Variants in RAD51AP1 observed in about 807,000 individuals in gnomAD.
The protein encoded by RAD51AP1 is RAD51-associated protein 1.
Under a neutral mutation model 34.3 loss-of-function variants are expected in RAD51AP1, and 14 were observed. The observed-to-expected ratio is 0.41, with a 90% CI of 0.27 to 0.64. The LOEUF is 0.64. Ranked by LOEUF, RAD51AP1 falls within the 30% of genes least tolerant of loss-of-function variation. The pLI is 0.33. For missense variants in RAD51AP1, 348 were observed against 386.9 expected (o/e 0.90, Z 0.84); for synonymous variants, 114 against 129.8 (o/e 0.88, Z 0.83).
intron 6 of RAD51AP1, among the ~76,000 whole-genome samples, chr12:4,549,634 C>G (rs528475374): frequency 4.6e-5 from 7 of 152,164 alleles, no homozygotes; most frequent in African/African-American, 1.4e-4. Flanking sequence ...TTGGGAGGGC[C>G]TGGGAGACAG....
chr12:4,545,454 G>A, intron 3 of RAD51AP1: 1 of 283,146 alleles, frequency 3.5e-6, no homozygotes, highest in South Asian at 4.0e-5. Flanking sequence ...TCTTTTTGGG[G>A]TAATAAAGAT....
intron 3 of RAD51AP1, chr12:4,545,184 A>C: frequency 2.2e-6 from 1 of 451,720 alleles, no homozygotes; most frequent in South Asian, 1.6e-5. Flanking sequence ...ATGGATAAGT[A>C]AAATGTGGTT....
Position 4,548,672 on chromosome 12 carries a change from A to G in RAD51AP1, c.407-15A>G. The G allele has an allele frequency of 6.2e-7, 1 of 1,604,618 alleles. No homozygotes were observed. Among genetic ancestry groups the G allele is most frequent in the South Asian group, 1.1e-5 (1 of 90,392 alleles). ...CACAGAAAGTTTTCCATTGATTTTT[A>G]TGCCTCTCCTGAAGATTTGGATAAG... On this transcript the variant is annotated splice_polypyrimidine_tract_variant and intron_variant, in intron 5 of 8. Coordinates refer to ENST00000352618, the MANE Select transcript of RAD51AP1 (RefSeq NM_006479.5).
At chr12:4,544,468 C>T (rs372565773) in intron 3 of RAD51AP1, among the ~76,000 whole-genome samples, 3 of 152,026 alleles carry the variant, frequency 2.0e-5, no homozygotes, top group African/African-American at 2.4e-5. Flanking sequence ...AAGAGATGGG[C>T]GGAAGGGGAA....
At chr12:4,544,226 A>G (rs998213416) in intron 3 of RAD51AP1, among the ~76,000 whole-genome samples, 4 of 152,186 alleles carry the variant, frequency 2.6e-5, no homozygotes, top group African/African-American at 7.2e-5. Context: ...ATGACATTAG[A>G]TGACTTAAGA....
intron 6 of RAD51AP1, 145 bp downstream of exon 6, chr12:4,548,981 G>A: frequency 2.4e-6 from 2 of 829,472 alleles, no homozygotes; most frequent in Non-Finnish European, 3.5e-6. Flanking sequence ...TTCAGTGATA[G>A]CATTTGGGGA....
chr12:4,551,590 T>G (rs2137277050), intron 6 of RAD51AP1, among the ~76,000 whole-genome samples: 2 of 151,422 alleles, frequency 1.3e-5, no homozygotes, highest in Middle Eastern at 6.8e-3. Flanking sequence ...GACAATTGAC[T>G]CAACTGCTTC....
At chr12:4,558,744 A>C (rs7308641) in intron 8 of RAD51AP1, 113 bp from the exon 9 acceptor site, 280,497 of 1,244,504 alleles carry the variant, frequency 0.23, 35,032 homozygotes, top group African/African-American at 0.43. Flanking sequence ...CTTGATAGAC[A>C]CTGGAAAGCA....
intron 2 of RAD51AP1, among the ~76,000 whole-genome samples, chr12:4,543,001 T>TC: frequency 6.6e-6 from 1 of 152,200 alleles, no homozygotes; most frequent in South Asian, 2.1e-4. Flanking sequence ...TACTTTCTCT[T>TC]CCCCCCATAA....
intron 6 of RAD51AP1, chr12:4,550,627 TG>T (rs1426840096): frequency 6.6e-6 from 1 of 152,486 alleles, no homozygotes; most frequent in African/African-American, 2.4e-5. Context: ...ATAATGACAT[TG>T]TTTTTTGTTT....
At chr12:4,544,548 C>A (rs540263433) in intron 3 of RAD51AP1, among the ~76,000 whole-genome samples, 1 of 152,202 alleles carries the variant, frequency 6.6e-6, no homozygotes, top group East Asian at 1.9e-4. Context: ...AGTGAGTTAG[C>A]CTGGAGAAAC....
rs1289241303 is a variant in RAD51AP1 at position 4,553,038 on chromosome 12, C to T, written c.612C>T (p.Asp204=). The part of the protein sequence containing the change: ...DFCESEDNDE[D]FSMRKSKVKE... The stretch of plus-strand genomic sequence containing the variant: ...GTGAGAGTGAGGATAATGACGAAGA[C>T]TTCTCTATGAGAAAAAGTAAAGTTA... Residue 204 remains aspartate, a synonymous_variant, in exon 7 of 9, where the codon GAC becomes GAT. Transcript: ENST00000352618. 9 of 1,605,806 alleles carry T rather than the reference C, an allele frequency of 5.6e-6. No homozygotes were observed. The South Asian group carries it at 7.8e-5, about 14-fold the overall frequency.
chr12:4,558,517 AAAAAT>A (rs1944598471), intron 8 of RAD51AP1, among the ~76,000 whole-genome samples: 1 of 152,222 alleles, frequency 6.6e-6, no homozygotes, highest in Admixed American at 6.5e-5. Flanking sequence ...GCAGGACCTT[AAAAAT>A]GCATTTGCTT....
intron 3 of RAD51AP1, chr12:4,545,957 G>A (rs1175272007): frequency 8.6e-7 from 1 of 1,164,646 alleles, no homozygotes; most frequent in Non-Finnish European, 1.2e-6. Context: ...TGAGGTCAAG[G>A]AAGAGTTTTA....
chr12:4,539,889 T>C (rs1944446189), intron 1 of RAD51AP1, among the ~76,000 whole-genome samples: 1 of 152,052 alleles, frequency 6.6e-6, no homozygotes, highest in Non-Finnish European at 1.5e-5. Flanking sequence ...GGGTTTTAAG[T>C]AGGGGAGAGG....
In RAD51AP1 at chr12:4,553,134, A is replaced by G. The variant is rs151051336; in HGVS notation, c.708A>G (p.Lys236=). ...VEKKEKKSKS[K]CNALVTSVDS... is the part of the protein sequence containing the mutation. Reference sequence around the variant, plus strand: ...AGAAAGAGAAGAAATCTAAATCCAAATGTAATGCTTTGGGTAAGCTTGGTC... The same window carrying G: ...AGAAAGAGAAGAAATCTAAATCCAAGTGTAATGCTTTGGGTAAGCTTGGTC... Residue 236 remains lysine, a synonymous_variant, in exon 7 of 9, where the codon AAA becomes AAG. Transcript: ENST00000352618. 249 of 1,579,204 alleles carry G rather than the reference A, an allele frequency of 1.6e-4. No homozygotes were observed. In the Middle Eastern group the frequency reaches 4.1e-3, roughly 26 times the overall value.
Position 4,556,436 on chromosome 12 carries a change from A to T in RAD51AP1, c.805A>T (p.Thr269Ser), listed in dbSNP as rs1196655213. 1 of 1,613,724 alleles carries T rather than the reference A, an allele frequency of 6.2e-7. No homozygotes were observed. Among genetic ancestry groups the T allele is most frequent in the African/African-American group, 1.3e-5 (1 of 75,048 alleles). The change falls in exon 8 of 9, where the codon ACT becomes TCT. Residue 269 changes from threonine to serine, a missense_variant. By Grantham distance (58) the Thr-to-Ser change is moderately conservative. Coordinates refer to ENST00000352618, the MANE Select transcript of RAD51AP1 (RefSeq NM_006479.5). The stretch of plus-strand genomic sequence containing the variant: ...AAAGGTTTCTCTGTCTTCAGATACC[A>T]CTAGGAAACCATTAGAAATACGCAG... The part of the protein sequence containing the change: ...PKKVSLSSDT[T>S]RKPLEIRSPS...
At chr12:4,558,505 TTGCAGGACCTTAAAAA>T (rs1313198808) in intron 8 of RAD51AP1, among the ~76,000 whole-genome samples, 3 of 152,206 alleles carry the variant, frequency 2.0e-5, no homozygotes, top group Non-Finnish European at 4.4e-5. Context: ...CTTGTAAAAA[TTGCAGGACCTTAAAAA>T]TGCATTTGCT....
At chr12:4,551,379 C>T (rs532654829) in intron 6 of RAD51AP1, among the ~76,000 whole-genome samples, 4 of 151,568 alleles carry the variant, frequency 2.6e-5, no homozygotes, top group African/African-American at 7.3e-5. Flanking sequence ...CCTGTAATCC[C>T]AGCTACTTGG....
Sources: gnomAD v4.1 joint callset for allele counts (sites outside exome capture counted in the v4.1 genomes callset) on GRCh38, gnomAD v4.1.1 for gene constraint, MANE v1.5 for transcripts, NCBI Gene and HGNC (gene_info 2026-07-23, HGNC 2026-07-21) for gene names.